SH3GL3: variants seen among roughly 807,000 people sequenced by gnomAD.
SH3GL3 encodes endophilin-A3.
In SH3GL3, 33 loss-of-function variants were observed where a neutral mutation model predicts 47.7. The observed-to-expected ratio is 0.69, with a 90% CI of 0.52 to 0.92. SH3GL3 has a LOEUF of 0.92. Among genes scored for constraint, SH3GL3 ranks in the 40% least tolerant of loss-of-function variants. The pLI is 0.00. For synonymous variants in SH3GL3, 155 were observed against 148.8 expected, an observed-to-expected ratio of 1.04 and a Z score of -0.30; for missense variants, 363 against 417.8, an observed-to-expected ratio of 0.87 and a Z score of 1.14.
the SH3GL3 span, among the ~76,000 whole-genome samples, chr15:83,627,152 C>T: frequency 1.3e-5 from 2 of 152,118 alleles, no homozygotes; most frequent in Non-Finnish European, 2.9e-5. Context: ...AATCCCAGCA[C>T]TTTGGGAGGC....
At chr15:83,510,218 G>A (rs1596143396) in intron 1 of SH3GL3, among the ~76,000 whole-genome samples, 1 of 152,146 alleles carries the variant, frequency 6.6e-6, no homozygotes, top group East Asian at 1.9e-4. Flanking sequence ...ACCTCATTTT[G>A]TATAGAAATG....
chr15:83,560,935 G>T, intron 2 of SH3GL3, among the ~76,000 whole-genome samples: 1 of 152,200 alleles, frequency 6.6e-6, no homozygotes, highest in South Asian at 2.1e-4. Context: ...AGTCTATCAG[G>T]AAATTATAAT....
intron 1 of SH3GL3, among the ~76,000 whole-genome samples, chr15:83,506,197 A>G (rs1165143269): frequency 6.6e-6 from 1 of 152,184 alleles, no homozygotes; most frequent in Non-Finnish European, 1.5e-5. Context: ...ATTCACCTAC[A>G]TGTGGTGGTT....
intron 1 of SH3GL3, among the ~76,000 whole-genome samples, chr15:83,525,102 T>C (rs2043358793): frequency 6.6e-6 from 1 of 152,234 alleles, no homozygotes; most frequent in African/African-American, 2.4e-5. Flanking sequence ...CCATAATGGC[T>C]GTATTAATTT....
intron 3 of SH3GL3, among the ~76,000 whole-genome samples, chr15:83,566,937 G>T (rs2045578110): frequency 6.6e-6 from 1 of 152,136 alleles, no homozygotes; most frequent in Non-Finnish European, 1.5e-5. Context: ...AGATCCTTGG[G>T]TTATTTACAT....
In SH3GL3 at chr15:83,447,433, C is replaced by A; in HGVS notation, c.-101C>A. ...GGGAGGCGGGCCCGGCGGAGCCCAG[C>A]CGCGGGGGGACCGGCCCGGGCTCCC... is the stretch of plus-strand genomic sequence containing the variant. On this transcript the variant is annotated 5_prime_UTR_variant, in exon 1 of 9. Coordinates refer to ENST00000427482, the MANE Select transcript of SH3GL3 (RefSeq NM_003027.5). This position sits in a 1 kb window ranked among gnomAD's most constrained non-coding sequence, Gnocchi z 5.1. 1 of 1,045,538 alleles carries A rather than the reference C, an allele frequency of 9.6e-7. No individual in the cohort carries two copies. Among genetic ancestry groups the A allele is most frequent in the Non-Finnish European group, 1.3e-6 (1 of 797,556 alleles). 64.8% of individuals were successfully genotyped at this position (1,045,538 alleles called of 1,614,324 possible).
chr15:83,597,777 T>A (rs994773733), intron 8 of SH3GL3, among the ~76,000 whole-genome samples: 1 of 152,042 alleles, frequency 6.6e-6, no homozygotes, highest in Non-Finnish European at 1.5e-5. Context: ...ACCTGGCTAA[T>A]TTTTGTATTT....
At chr15:83,459,135 C>G (rs1404094723) in intron 1 of SH3GL3, among the ~76,000 whole-genome samples, 1 of 152,200 alleles carries the variant, frequency 6.6e-6, no homozygotes, top group Non-Finnish European at 1.5e-5. Context: ...GCATCCAGCA[C>G]GGGAGAAAGA....
chr15:83,461,031 C>A (rs1416232653), intron 1 of SH3GL3, among the ~76,000 whole-genome samples: 1 of 151,272 alleles, frequency 6.6e-6, no homozygotes, highest in South Asian at 2.1e-4. Flanking sequence ...TGTAGTGAGC[C>A]GAGATCACGC....
chr15:83,477,982 G>C (rs1420922641), intron 1 of SH3GL3, among the ~76,000 whole-genome samples: 2 of 152,112 alleles, frequency 1.3e-5, no homozygotes, highest in Non-Finnish European at 2.9e-5. Context: ...TTTTGATAGG[G>C]CCATGGATTT....
At chr15:83,495,460 T>C (rs1026285912) in intron 1 of SH3GL3, among the ~76,000 whole-genome samples, 34 of 152,176 alleles carry the variant, frequency 2.2e-4, no homozygotes, top group Admixed American at 1.6e-3. Flanking sequence ...ATAGGCCAGA[T>C]GTGGTGGCTC....
intron 1 of SH3GL3, among the ~76,000 whole-genome samples, chr15:83,465,057 A>T (rs1184790799): frequency 1.3e-5 from 2 of 150,754 alleles, no homozygotes; most frequent in South Asian, 2.1e-4. Flanking sequence ...TGGGAAAAAA[A>T]AAAGAACTTT....
intron 6 of SH3GL3, among the ~76,000 whole-genome samples, chr15:83,577,916 G>C (rs1273670903): frequency 6.6e-6 from 1 of 152,172 alleles, no homozygotes; most frequent in Non-Finnish European, 1.5e-5. Flanking sequence ...CTCTTATCTG[G>C]GGGGCGGACA....
chr15:83,482,953 AG>A (rs1310938166), intron 1 of SH3GL3, among the ~76,000 whole-genome samples: 1 of 151,354 alleles, frequency 6.6e-6, no homozygotes, highest in East Asian at 1.9e-4. Context: ...TCCTTCTTCC[AG>A]GGGGCAATGC....
intron 1 of SH3GL3, among the ~76,000 whole-genome samples, chr15:83,449,156 GC>G (rs968548165): frequency 3.3e-5 from 5 of 152,200 alleles, no homozygotes; most frequent in Admixed American, 2.0e-4. Flanking sequence ...ACAATGTTTA[GC>G]CCAGTAATTG....
At chr15:83,513,666 T>A (rs944451319) in intron 1 of SH3GL3, among the ~76,000 whole-genome samples, 10 of 152,154 alleles carry the variant, frequency 6.6e-5, no homozygotes, top group African/African-American at 2.4e-4. Flanking sequence ...GGTTGATGCA[T>A]CTGTCTCTCC....
intron 1 of SH3GL3, among the ~76,000 whole-genome samples, chr15:83,500,957 T>C (rs891669659): frequency 7.9e-5 from 12 of 152,252 alleles, no homozygotes; most frequent in Non-Finnish European, 2.9e-5. Flanking sequence ...ACGAAGGCCC[T>C]TTGAAAAGAG....
intron 1 of SH3GL3, among the ~76,000 whole-genome samples, chr15:83,458,972 A>G (rs1209399629): frequency 6.6e-6 from 1 of 152,244 alleles, no homozygotes; most frequent in Non-Finnish European, 1.5e-5. Context: ...GGAGCAAGGA[A>G]GCCAGACTGA....
chr15:83,577,771 A>T (rs1157627424), intron 6 of SH3GL3, among the ~76,000 whole-genome samples: 1 of 152,208 alleles, frequency 6.6e-6, no homozygotes, highest in Non-Finnish European at 1.5e-5. Flanking sequence ...ATTGCTAAGT[A>T]GACTGGCTTT....
Sources: gnomAD v4.1 joint callset for allele counts (sites outside exome capture counted in the v4.1 genomes callset) on GRCh38, gnomAD v4.1.1 for gene constraint, Gnocchi (gnomAD v3.1) non-coding constraint, MANE v1.5 for transcripts, NCBI Gene and HGNC (gene_info 2026-07-23, HGNC 2026-07-21) for gene names.